Variants in SMAD7 observed in about 807,000 individuals in gnomAD.
The protein encoded by SMAD7 is SMAD family member 7.
A neutral mutation model predicts 38.7 loss-of-function variants in SMAD7; 8 were observed. The ratio of observed to expected loss-of-function variants is 0.21; its 90% CI spans 0.12 to 0.37. The LOEUF is 0.37. Ranked by LOEUF, SMAD7 falls within the 10% of genes least tolerant of loss-of-function variation. The pLI is 1.00. For synonymous variants in SMAD7, 327 were observed against 265.1 expected (o/e 1.23, Z -2.27); for missense variants, 477 against 577.9 (o/e 0.83, Z 1.79).
At chr18:48,946,264 G>A (rs944374499) in intron 2 of SMAD7, among the ~76,000 whole-genome samples, 1 of 152,178 alleles carries the variant, frequency 6.6e-6, no homozygotes, top group African/African-American at 2.4e-5. Context: ...CAACCTAAGG[G>A]ACATAGAAAC....
chr18:48,950,257 G>C lies in SMAD7; in HGVS notation c.168C>G (p.Gly56=). The stretch of plus-strand genomic sequence containing the variant: ...CCTTGCCCAGGCAGCATCCAGCCCT[G>C]CCCGGGCCGCCGCCACCGGCCCCAT... ...RAHGAGGGGP[G]RAGCCLGKAV... The change falls in exon 1 of 4, where the codon GGC becomes GGG. Residue 56 remains glycine (G), a synonymous_variant. Transcript: ENST00000262158. The C allele has an allele frequency of 6.6e-7, 1 of 1,517,800 alleles. No homozygotes were observed. Among genetic ancestry groups the C allele is most frequent in the African/African-American group, 1.4e-5 (1 of 70,086 alleles). 94.0% of individuals were successfully genotyped at this position (1,517,800 alleles called of 1,614,324 possible).
chr18:48,935,203 C>T (rs1432141426), intron 3 of SMAD7, among the ~76,000 whole-genome samples: 1 of 152,058 alleles, frequency 6.6e-6, no homozygotes, highest in East Asian at 1.9e-4. Flanking sequence ...AGTGAGCCAA[C>T]AGGTTTAGGT....
At chr18:48,942,443 G>A in intron 3 of SMAD7, 38 bp downstream of exon 3, 1 of 1,405,152 alleles carries the variant, frequency 7.1e-7, no homozygotes, top group Non-Finnish European at 9.8e-7. Context: ...TTTCAAAAAA[G>A]GTTGGAATTG....
intron 3 of SMAD7, among the ~76,000 whole-genome samples, chr18:48,923,775 G>A (rs565860637): frequency 2.0e-5 from 3 of 152,276 alleles, no homozygotes; most frequent in Admixed American, 1.3e-4. Context: ...GCTTGTGCAT[G>A]TGCGTGTGCA....
At chr18:48,944,997 T>G (rs752523316) in intron 2 of SMAD7, among the ~76,000 whole-genome samples, 8 of 152,128 alleles carry the variant, frequency 5.3e-5, no homozygotes, top group Admixed American at 1.3e-4. Context: ...TGAGAATGAG[T>G]ACAAGGTAAA....
Position 48,921,985 on chromosome 18 carries a change from C to A in SMAD7, c.743-75G>T, listed in dbSNP as rs538666857. 1.8e-6 allele frequency: 2 copies of A among 1,131,424 alleles called. No homozygotes were observed. Among genetic ancestry groups the A allele is most frequent in the East Asian group, 2.4e-5 (1 of 41,986 alleles). The allele number at this position is 1,131,424 out of a possible 1,614,324, so 70.1% of individuals were successfully genotyped here. ...TCCTAGAATGAAGACACCCGCCCCC[C>A]CACTGCACCCAGTCACCAGCTCATC... is the stretch of plus-strand genomic sequence containing the variant. On this transcript the variant is annotated intron_variant, in intron 3 of 3. Coordinates refer to ENST00000262158, the MANE Select transcript of SMAD7 (RefSeq NM_005904.4). This position sits in a 1 kb window ranked among gnomAD's most constrained non-coding sequence, Gnocchi z 6.4.
In SMAD7 at chr18:48,929,332, C is replaced by A. The variant is rs372243708; in HGVS notation, c.743-7422G>T. Among the ~76,000 whole-genome samples the A allele has an allele frequency of 8.5e-5, 13 of 152,176 alleles. No individual in the cohort carries two copies. The East Asian group carries it at 1.7e-3, about 20-fold the overall frequency. ...CTTCCCTCTGGGCATGACCCTGGCA[C>A]CCCCAGGAAGACACAAGGGCTGGGA... On this transcript the variant is annotated intron_variant, in intron 3 of 3. Coordinates refer to ENST00000262158, the MANE Select transcript of SMAD7 (RefSeq NM_005904.4).
At chr18:48,934,870 A>G (rs2070046017) in intron 3 of SMAD7, among the ~76,000 whole-genome samples, 1 of 152,098 alleles carries the variant, frequency 6.6e-6, no homozygotes, top group African/African-American at 2.4e-5. Context: ...AAAAAAAAAG[A>G]TGATGCAATT....
rs1008777373 is a variant in SMAD7, at chr18:48,950,197, G to A, written c.228C>T (p.His76=). 5.4e-6 allele frequency: 8 copies of A among 1,487,264 alleles called. No homozygotes were observed. Among genetic ancestry groups the A allele is most frequent in the African/African-American group, 2.9e-5 (2 of 68,046 alleles). 92.1% of individuals were successfully genotyped at this position (1,487,264 alleles called of 1,614,324 possible). A position where few individuals can be genotyped will look rare whatever the true frequency, so the allele number is the denominator to read the frequency against. ...VRGAKGHHHP[H]PPAAGAGAAG... ...CCGCGCCGGCGCCCGCGGCTGGCGG[G>A]TGGGGATGGTGGTGACCTTTGGCAC... The change falls in exon 1 of 4, where the codon CAC becomes CAT. Residue 76 remains histidine, a synonymous_variant. Coordinates refer to ENST00000262158, the MANE Select transcript of SMAD7 (RefSeq NM_005904.4).
intron 3 of SMAD7, among the ~76,000 whole-genome samples, chr18:48,939,901 C>T (rs963957114): frequency 1.3e-5 from 2 of 149,908 alleles, no homozygotes; most frequent in Non-Finnish European, 3.0e-5. Context: ...CAGTCACTGG[C>T]CTCATCCACA....
intron 2 of SMAD7, among the ~76,000 whole-genome samples, chr18:48,947,902 C>CA (rs989977783): frequency 4.6e-5 from 7 of 150,760 alleles, no homozygotes; most frequent in African/African-American, 9.7e-5. Flanking sequence ...ACCCCCCCCC[C>CA]CCTTTTACTG....
chr18:48,941,241 C>T (rs1044397973), intron 3 of SMAD7, among the ~76,000 whole-genome samples: 6 of 152,160 alleles, frequency 3.9e-5, no homozygotes, highest in Non-Finnish European at 8.8e-5. Flanking sequence ...GCCTGAAGCC[C>T]CCTCCCTTCT....
intron 2 of SMAD7, among the ~76,000 whole-genome samples, chr18:48,945,681 G>A (rs529967946): frequency 4.6e-5 from 7 of 152,232 alleles, no homozygotes; most frequent in African/African-American, 9.6e-5. Context: ...CCAGACTTCC[G>A]ATCTGGATTT....
rs140425597 is a variant in SMAD7 at position 48,944,096 on chromosome 18, GAGGC to G, written c.668-1545_668-1542del. On this transcript the variant is annotated intron_variant, in intron 2 of 3. Coordinates refer to ENST00000262158, the MANE Select transcript of SMAD7 (RefSeq NM_005904.4). ...ACACTTAATCAAACAGAAAACAATAGAGGCAGGCAGGAAATGGAGTTACTTGTTA... is the reference window on the plus strand; with the variant it reads ...ACACTTAATCAAACAGAAAACAATAGAGGCAGGAAATGGAGTTACTTGTTA... Among the ~76,000 whole-genome samples, 5 of 152,190 alleles carry G rather than the reference GAGGC, an allele frequency of 3.3e-5. No homozygotes were observed. In the East Asian group the frequency reaches 9.7e-4, roughly 29 times the overall value.
chr18:48,928,647 C>T (rs144790095), intron 3 of SMAD7, among the ~76,000 whole-genome samples: 9 of 152,158 alleles, frequency 5.9e-5, no homozygotes, highest in South Asian at 4.2e-4. Flanking sequence ...CTACATATTT[C>T]GCAGATCCTG....
At chr18:48,932,472 A>T (rs1393664095) in intron 3 of SMAD7, among the ~76,000 whole-genome samples, 1 of 152,216 alleles carries the variant, frequency 6.6e-6, no homozygotes, top group East Asian at 1.9e-4. Flanking sequence ...CGACTTTGCA[A>T]GATGAAATTG....
rs369145467 is a variant in SMAD7 at position 48,950,011 on chromosome 18, C to T, written c.414G>A (p.Pro138=). 25 of 1,568,806 alleles carry T rather than the reference C, an allele frequency of 1.6e-5. No homozygotes were observed. The African/African-American group carries it at 2.8e-4, about 17-fold the overall frequency. ...CAGGCTGCGCGCCGGCGGGCGCCCC[C>T]GGGCCCAGCCTGCAGTCCAGGCGGC... is the stretch of plus-strand genomic sequence containing the variant. The part of the protein sequence containing the change: ...LPGRLDCRLG[P]GAPAGAQPAQ... The change falls in exon 1 of 4, where the codon CCG becomes CCA. Residue 138 remains proline, a synonymous_variant. Coordinates refer to ENST00000262158, the MANE Select transcript of SMAD7 (RefSeq NM_005904.4).
intron 2 of SMAD7, among the ~76,000 whole-genome samples, chr18:48,945,662 G>A (rs1294528668): frequency 6.6e-6 from 1 of 152,158 alleles, no homozygotes; most frequent in Non-Finnish European, 1.5e-5. Flanking sequence ...CAGATCTCAG[G>A]TCAAGACACC....
chr18:48,941,322 A>ACCCTCAGTCT (rs2070136954), intron 3 of SMAD7, among the ~76,000 whole-genome samples: 1 of 152,176 alleles, frequency 6.6e-6, no homozygotes, highest in Admixed American at 6.5e-5. Context: ...GTCTCAGATA[A>ACCCTCAGTCT]CAGAGTATAT....
Sources: allele counts gnomAD v4.1 joint callset (sites outside exome capture counted in the v4.1 genomes callset), GRCh38; gene constraint gnomAD v4.1.1; non-coding constraint Gnocchi (gnomAD v3.1); transcripts MANE v1.5; gene names NCBI Gene and HGNC (gene_info 2026-07-23, HGNC 2026-07-21).